RBMS1: variants seen among roughly 807,000 people sequenced by gnomAD.
RBMS1 encodes RNA binding motif single stranded interacting protein 1.
Under a neutral mutation model 62.3 loss-of-function variants are expected in RBMS1, and 17 were observed. The ratio of observed to expected loss-of-function variants is 0.27; its 90% CI spans 0.19 to 0.41. RBMS1 has a LOEUF of 0.41. Ranked by LOEUF, RBMS1 falls within the 10% of genes least tolerant of loss-of-function variation. The probability of loss-of-function intolerance (pLI) is 1.00; values close to 1 mark genes in which losing one functional copy is unlikely to be tolerated. For missense variants in RBMS1, 334 were observed against 504.5 expected (o/e 0.66, Z 3.24); for synonymous variants, 172 against 170.0 (o/e 1.01, Z -0.09).
At chr2:160,434,562 A>G (rs1014131621) in intron 1 of RBMS1, among the ~76,000 whole-genome samples, 6 of 152,164 alleles carry the variant, frequency 3.9e-5, no homozygotes, top group African/African-American at 1.4e-4. Context: ...ATTTTCTGTG[A>G]CGATGAAAAT....
chr2:160,359,896 C>A (rs1386416002), intron 2 of RBMS1, among the ~76,000 whole-genome samples: 1 of 152,104 alleles, frequency 6.6e-6, no homozygotes, highest in African/African-American at 2.4e-5. Context: ...ATAACCATTT[C>A]AAGTTGTCCT....
At chr2:160,417,103 G>A (rs1297296928) in intron 1 of RBMS1, among the ~76,000 whole-genome samples, 1 of 152,054 alleles carries the variant, frequency 6.6e-6, no homozygotes, top group African/African-American at 2.4e-5. Flanking sequence ...TTTTGTTGCA[G>A]GCATGAATGG....
intron 12 of RBMS1, among the ~76,000 whole-genome samples, 183 bp downstream of exon 12, chr2:160,277,120 A>G (rs1186229620): frequency 6.6e-6 from 1 of 152,164 alleles, no homozygotes; most frequent in Non-Finnish European, 1.5e-5. Context: ...TCCTGACCAT[A>G]AGCAATCCTC....
At chr2:160,407,569 C>CT (rs1695814959) in intron 1 of RBMS1, 1 of 984,098 alleles carries the variant, frequency 1.0e-6, no homozygotes, top group South Asian at 4.5e-5. Flanking sequence ...GGCGCGGGCG[C>CT]GGGCGCGGGG....
intron 1 of RBMS1, among the ~76,000 whole-genome samples, chr2:160,452,762 A>T (rs1484389026): frequency 6.6e-6 from 1 of 152,194 alleles, no homozygotes; most frequent in African/African-American, 2.4e-5. Flanking sequence ...AACAAGACAG[A>T]CGTACTACCT....
At chr2:160,440,369 C>G (rs1397244255) in intron 1 of RBMS1, among the ~76,000 whole-genome samples, 1 of 152,084 alleles carries the variant, frequency 6.6e-6, no homozygotes, top group African/African-American at 2.4e-5. Context: ...ATCCAGCATC[C>G]CTGACTTGAT....
chr2:160,290,055 T>A (rs762466429), intron 6 of RBMS1, among the ~76,000 whole-genome samples: 1 of 138,828 alleles, frequency 7.2e-6, no homozygotes, highest in Middle Eastern at 3.3e-3. Context: ...GACCCACTTA[T>A]TTTTAAGTGT....
chr2:160,309,227 G>A (rs1033009856), intron 4 of RBMS1, among the ~76,000 whole-genome samples: 1 of 152,134 alleles, frequency 6.6e-6, no homozygotes, highest in African/African-American at 2.4e-5. Context: ...ACGCTGAAGC[G>A]TTCCAAGTCT....
chr2:160,462,793 T>C (rs6432618), intron 1 of RBMS1, among the ~76,000 whole-genome samples: 132,241 of 152,108 alleles, frequency 0.87, 57,670 homozygotes, highest in East Asian at 0.96. Context: ...GATGGGGTTT[T>C]ACCATGTTGG....
At chr2:160,391,207 CTGG>C (rs1291399671) in intron 1 of RBMS1, among the ~76,000 whole-genome samples, 1 of 148,702 alleles carries the variant, frequency 6.7e-6, no homozygotes, top group Non-Finnish European at 1.5e-5. Context: ...TCTAGTATGA[CTGG>C]TAGCCTTATT....
chr2:160,458,325 T>G (rs1684327901), intron 1 of RBMS1, among the ~76,000 whole-genome samples: 1 of 152,188 alleles, frequency 6.6e-6, no homozygotes, highest in Non-Finnish European at 1.5e-5. Flanking sequence ...ATTTTCAATG[T>G]CAAATTACAT....
At chr2:160,318,295 T>C in intron 2 of RBMS1, 68 bp from the exon 3 acceptor site, 3 of 1,455,226 alleles carry the variant, frequency 2.1e-6, no homozygotes, top group South Asian at 2.7e-5. Flanking sequence ...AAGGAACCCT[T>C]ATTAATGCCT....
intron 1 of RBMS1, among the ~76,000 whole-genome samples, chr2:160,473,366 T>C (rs966967349): frequency 1.3e-5 from 2 of 152,244 alleles, no homozygotes; most frequent in African/African-American, 4.8e-5. Flanking sequence ...TGAACATGTA[T>C]TAAGTACACA....
chr2:160,386,588 A>G (rs1187203418), intron 1 of RBMS1, among the ~76,000 whole-genome samples: 1 of 152,080 alleles, frequency 6.6e-6, no homozygotes, highest in East Asian at 1.9e-4. Context: ...TTAGGTCATA[A>G]AGATGGAGCC....
chr2:160,353,044 T>G (rs75718611), intron 2 of RBMS1, among the ~76,000 whole-genome samples: 1 of 152,134 alleles, frequency 6.6e-6, no homozygotes, highest in Non-Finnish European at 1.5e-5. Flanking sequence ...GCATAAGGAT[T>G]TTCCAAATGT....
intron 1 of RBMS1, among the ~76,000 whole-genome samples, chr2:160,432,680 A>G (rs1682948053): frequency 6.6e-6 from 1 of 152,144 alleles, no homozygotes; most frequent in Non-Finnish European, 1.5e-5. Flanking sequence ...TTAAATCCAG[A>G]TATAAGGTAT....
intron 1 of RBMS1, among the ~76,000 whole-genome samples, chr2:160,447,042 A>C (rs1683683654): frequency 6.6e-6 from 1 of 152,246 alleles, no homozygotes; most frequent in Non-Finnish European, 1.5e-5. Flanking sequence ...AGAATGTGTT[A>C]ATCAGTATAG....
chr2:160,450,397 G>A (rs13021465), intron 1 of RBMS1, among the ~76,000 whole-genome samples: 40,276 of 151,670 alleles, frequency 0.27, 6,264 homozygotes, highest in East Asian at 0.6. Context: ...AAAATTAGCC[G>A]GGCGTGATGA....
intron 1 of RBMS1, among the ~76,000 whole-genome samples, chr2:160,390,894 A>C (rs1694834508): frequency 6.6e-6 from 1 of 151,238 alleles, no homozygotes; most frequent in African/African-American, 2.4e-5. Context: ...CAACCACCAA[A>C]AAAAAAAAAT....
Sources: gnomAD v4.1 joint callset for allele counts (sites outside exome capture counted in the v4.1 genomes callset) on GRCh38, gnomAD v4.1.1 for gene constraint, MANE v1.5 for transcripts, NCBI Gene and HGNC (gene_info 2026-07-23, HGNC 2026-07-21) for gene names.